Variants in TENM2 observed in about 807,000 individuals in gnomAD.
The protein encoded by TENM2 is teneurin transmembrane protein 2, also known as teneurin-2.
In TENM2, 52 loss-of-function variants were observed where a neutral mutation model predicts 245.2. That is an observed-to-expected ratio of 0.21 (90% confidence interval 0.17 to 0.27). The LOEUF (loss-of-function observed/expected upper bound fraction) is 0.27, where lower values mean the gene tolerates loss of function less well. Ranked by LOEUF, TENM2 falls within the 10% of genes least tolerant of loss-of-function variation. The pLI is 1.00. For synonymous variants in TENM2, 1,363 were observed against 1,438.9 expected (o/e 0.95, Z 1.19); for missense variants, 3,046 against 3,666.8 (o/e 0.83, Z 4.37).
At chr5:167,044,800 G>A in the TENM2 span, among the ~76,000 whole-genome samples, 1 of 152,226 alleles carries the variant, frequency 6.6e-6, no homozygotes, top group Non-Finnish European at 1.5e-5. Context: ...CATTTGCTTT[G>A]TCTATTAGTA....
intron 1 of TENM2, chr5:167,287,746 C>T (rs1365959657): frequency 6.6e-6 from 1 of 152,278 alleles, no homozygotes; most frequent in Non-Finnish European, 1.5e-5. Flanking sequence ...GAATCCTCCT[C>T]TGCCTTCTTC....
intron 2 of TENM2, among the ~76,000 whole-genome samples, chr5:167,589,364 G>A (rs1313291443): frequency 6.6e-6 from 1 of 152,032 alleles, no homozygotes; most frequent in Non-Finnish European, 1.5e-5. Flanking sequence ...CAAACTAGTA[G>A]TAAAGAAATT....
At chr5:167,929,524 A>T (rs1383479468) in intron 3 of TENM2, among the ~76,000 whole-genome samples, 1 of 152,288 alleles carries the variant, frequency 6.6e-6, no homozygotes, top group East Asian at 1.9e-4. Context: ...TTACTAAAGG[A>T]CCAACTCCTC....
intron 2 of TENM2, among the ~76,000 whole-genome samples, chr5:167,703,343 C>T (rs1381960261): frequency 2.0e-5 from 3 of 152,002 alleles, no homozygotes; most frequent in Non-Finnish European, 4.4e-5. Context: ...ACCAGCCTGG[C>T]CAACATGGTG....
At chr5:168,080,367 T>G (rs1791878561) in intron 7 of TENM2, among the ~76,000 whole-genome samples, 1 of 152,166 alleles carries the variant, frequency 6.6e-6, no homozygotes, top group African/African-American at 2.4e-5. Flanking sequence ...TTTGTTGATC[T>G]TTTCAAAAAA....
At chr5:167,033,490 G>T in the TENM2 span, among the ~76,000 whole-genome samples, 1 of 152,176 alleles carries the variant, frequency 6.6e-6, no homozygotes, top group African/African-American at 2.4e-5. Flanking sequence ...ATTATGACAA[G>T]CTGATTGTGG....
the TENM2 span, among the ~76,000 whole-genome samples, chr5:167,070,142 G>A: frequency 1.6e-5 from 1 of 63,672 alleles, no homozygotes; most frequent in African/African-American, 7.8e-5. Flanking sequence ...TTTTGAGACA[G>A]AGTCTCACTC....
chr5:168,062,001 T>G, intron 6 of TENM2, 59 bp from the exon 9 acceptor site: 1 of 1,442,042 alleles, frequency 6.9e-7, no homozygotes, highest in Admixed American at 2.6e-5. Flanking sequence ...TAAACAAATA[T>G]AGAGCCAACT....
At chr5:167,956,545 G>C (rs1583481131) in intron 4 of TENM2, among the ~76,000 whole-genome samples, 1 of 152,256 alleles carries the variant, frequency 6.6e-6, no homozygotes, top group African/African-American at 2.4e-5. Flanking sequence ...TCCTTGTCTT[G>C]TGCCGGTTTT....
At chr5:168,123,914 G>A (rs1228911546) in intron 10 of TENM2, among the ~76,000 whole-genome samples, 1 of 152,192 alleles carries the variant, frequency 6.6e-6, no homozygotes, top group African/African-American at 2.4e-5. Flanking sequence ...TCAACCCTTA[G>A]ATTGAATGGA....
rs1480538172 is a variant in TENM2 at position 167,545,101 on chromosome 5, G to A, written c.502+169628G>A. On this transcript the variant is annotated intron_variant, in intron 2 of 28. Transcript: ENST00000518659. ...GGACAGCTGTTATGCTATGTAAAGA[G>A]CGGAGATTTTGGCTCCTGAGAACCC... Among the ~76,000 whole-genome samples, 3 of 152,130 alleles carry A rather than the reference G, an allele frequency of 2.0e-5. No individual in the cohort carries two copies. In the East Asian group the frequency reaches 5.8e-4, roughly 29 times the overall value.
the TENM2 span, among the ~76,000 whole-genome samples, chr5:167,217,831 G>A: frequency 1.3e-5 from 2 of 151,318 alleles, no homozygotes; most frequent in African/African-American, 4.8e-5. Context: ...AGCCTTGGAA[G>A]TCCATAGAAG....
the TENM2 span, among the ~76,000 whole-genome samples, chr5:167,104,453 G>A: frequency 1.3e-5 from 2 of 152,110 alleles, no homozygotes; most frequent in Admixed American, 6.6e-5. Flanking sequence ...TCAGGAATGA[G>A]GGCAAATATG....
rs571269673 is a variant in TENM2 at position 167,357,455 on chromosome 5, G to A, written c.227-17743G>A. ...GTGCCACCACACCTGGCTAATTTTT[G>A]TATTTTTAGTAGAGACGGGATCTGG... is the stretch of plus-strand genomic sequence containing the variant. On this transcript the variant is annotated intron_variant, in intron 1 of 28. Transcript: ENST00000518659. 1.1e-4 allele frequency among the ~76,000 whole-genome samples: 17 copies of A among 151,946 alleles called. No homozygotes were observed. In the East Asian group the frequency reaches 3.1e-3, roughly 28 times the overall value.
intron 2 of TENM2, among the ~76,000 whole-genome samples, chr5:167,558,750 A>C (rs915521078): frequency 6.6e-6 from 1 of 152,154 alleles, no homozygotes; most frequent in African/African-American, 2.4e-5. Context: ...AATAAAGTGT[A>C]CAATAAATGT....
At chr5:167,459,938 A>G (rs201755778) in intron 2 of TENM2, among the ~76,000 whole-genome samples, 8 of 142,450 alleles carry the variant, frequency 5.6e-5, no homozygotes, top group Middle Eastern at 3.6e-3. Context: ...ACACACACGC[A>G]CACACACACA....
At chr5:167,388,615 T>G (rs1761581565) in intron 2 of TENM2, among the ~76,000 whole-genome samples, 1 of 152,184 alleles carries the variant, frequency 6.6e-6, no homozygotes, top group East Asian at 1.9e-4. Flanking sequence ...TTGTGTTCTT[T>G]CACACTTTTT....
chr5:167,952,764 G>T lies in TENM2; in HGVS notation c.889G>T (p.Glu297Ter). Residue 297 changes from glutamate (E) to a stop codon, truncating the protein, a stop_gained, in exon 4 of 29, where the codon GAG (glutamate) becomes TAG (stop). Transcript: ENST00000518659. LOFTEE classifies it high-confidence loss of function. ...GCCCAATGACCTGGCCACCACACCA[G>T]AGTCCGTTCAGCTTCAGGACAGCTG... 1 of 1,582,506 alleles carries T rather than the reference G, an allele frequency of 6.3e-7. No homozygotes were observed. Among genetic ancestry groups the T allele is most frequent in the African/African-American group, 1.3e-5 (1 of 74,078 alleles).
chr5:167,663,229 A>G (rs1470850294), intron 2 of TENM2, among the ~76,000 whole-genome samples: 1 of 151,732 alleles, frequency 6.6e-6, no homozygotes, highest in Non-Finnish European at 1.5e-5. Flanking sequence ...CAGACCATCT[A>G]AATTAAAATC....
Sources: allele counts gnomAD v4.1 joint callset (sites outside exome capture counted in the v4.1 genomes callset), GRCh38; gene constraint gnomAD v4.1.1; transcripts MANE v1.5; gene names NCBI Gene and HGNC (gene_info 2026-07-23, HGNC 2026-07-21).